Variants in DLG2 observed in about 807,000 individuals in gnomAD.
DLG2 encodes the protein discs large MAGUK scaffold protein 2.
Under a neutral mutation model 132.5 loss-of-function variants are expected in DLG2, and 45 were observed. The observed-to-expected ratio is 0.34, with a 90% CI of 0.27 to 0.44. DLG2 has a LOEUF of 0.44. Ranked by LOEUF, DLG2 falls within the 20% of genes least tolerant of loss-of-function variation. DLG2 has a pLI of 1.00. For missense variants in DLG2, 1,045 were observed against 1,196.9 expected (o/e 0.87, Z 1.87); for synonymous variants, 424 against 419.6 (o/e 1.01, Z -0.13).
At chr11:84,977,021 T>G (rs939412152) in intron 6 of DLG2, among the ~76,000 whole-genome samples, 2 of 152,280 alleles carry the variant, frequency 1.3e-5, no homozygotes, top group South Asian at 4.1e-4. Context: ...TAGAATATGC[T>G]ATTGCTTGCT....
intron 3 of DLG2, among the ~76,000 whole-genome samples, chr11:85,386,409 C>T (rs145389140): frequency 6.6e-6 from 1 of 152,292 alleles, no homozygotes; most frequent in East Asian, 1.9e-4. Context: ...CGACACCCTA[C>T]CTCCAGAGAC....
intron 3 of DLG2, among the ~76,000 whole-genome samples, chr11:85,583,048 GAA>G (rs869261514): frequency 5.5e-5 from 5 of 91,520 alleles, no homozygotes; most frequent in South Asian, 3.5e-4. Flanking sequence ...GAAACCAGGG[GAA>G]AAAAAAAATA....
chr11:83,896,024 G>GC (rs1260225450), intron 15 of DLG2, among the ~76,000 whole-genome samples: 1 of 145,146 alleles, frequency 6.9e-6, no homozygotes, highest in Non-Finnish European at 1.5e-5. Flanking sequence ...TGCATTTAAT[G>GC]AAGTCAAATG....
chr11:83,885,425 C>G (rs2067549090), intron 15 of DLG2, among the ~76,000 whole-genome samples: 1 of 152,144 alleles, frequency 6.6e-6, no homozygotes, highest in Non-Finnish European at 1.5e-5. Context: ...ACGAACAAAG[C>G]CTCCAAGAAA....
intron 16 of DLG2, among the ~76,000 whole-genome samples, chr11:83,872,689 C>T (rs61900046): frequency 0.092 from 13,965 of 152,066 alleles, 813 homozygotes; most frequent in Middle Eastern, 0.19. Flanking sequence ...TAAGCTTTTG[C>T]TAATAAAAAG....
chr11:83,892,485 G>A (rs1485381520), intron 15 of DLG2, among the ~76,000 whole-genome samples: 1 of 152,062 alleles, frequency 6.6e-6, no homozygotes, highest in Non-Finnish European at 1.5e-5. Context: ...ACACTAAAAT[G>A]TTTTGTCTTT....
intron 2 of DLG2, among the ~76,000 whole-genome samples, chr11:85,603,785 T>G (rs2080329351): frequency 6.6e-6 from 1 of 152,004 alleles, no homozygotes; most frequent in Admixed American, 6.6e-5. Flanking sequence ...GGTGTGGTGG[T>G]GCACGTCTGC....
chr11:85,434,572 A>G (rs1406988021), intron 3 of DLG2, among the ~76,000 whole-genome samples: 1 of 152,224 alleles, frequency 6.6e-6, no homozygotes, highest in African/African-American at 2.4e-5. Context: ...TAGGAAGTCT[A>G]CAAGTAATGG....
At chr11:85,321,213 A>C (rs2081044743) in intron 3 of DLG2, among the ~76,000 whole-genome samples, 1 of 151,888 alleles carries the variant, frequency 6.6e-6, no homozygotes, top group African/African-American at 2.4e-5. Context: ...GAGAGAGAAA[A>C]AGTAGTTTTT....
At chr11:83,795,751 T>C (rs1481370005) in intron 17 of DLG2, among the ~76,000 whole-genome samples, 2 of 152,186 alleles carry the variant, frequency 1.3e-5, no homozygotes, top group Non-Finnish European at 2.9e-5. Context: ...ATTTGTCTAT[T>C]TCTTAGTGCT....
At chr11:85,244,637 T>C (rs1041613620) in intron 4 of DLG2, among the ~76,000 whole-genome samples, 1 of 151,914 alleles carries the variant, frequency 6.6e-6, no homozygotes, top group African/African-American at 2.4e-5. Context: ...TATCTATTAA[T>C]TACACTAAAA....
chr11:85,526,765 C>T (rs1289932645), intron 3 of DLG2, among the ~76,000 whole-genome samples: 4 of 152,132 alleles, frequency 2.6e-5, no homozygotes, highest in African/African-American at 7.2e-5. Flanking sequence ...GATCACCTTC[C>T]TTCTCTAATG....
At chr11:85,080,374 T>C (rs2067083983) in intron 6 of DLG2, among the ~76,000 whole-genome samples, 1 of 152,138 alleles carries the variant, frequency 6.6e-6, no homozygotes, top group Non-Finnish European at 1.5e-5. Context: ...GGACATAAGC[T>C]TTGTCTAGTT....
At chr11:83,724,394 G>A (rs2089477666) in intron 18 of DLG2, among the ~76,000 whole-genome samples, 1 of 151,126 alleles carries the variant, frequency 6.6e-6, no homozygotes, top group Non-Finnish European at 1.5e-5. Flanking sequence ...GTGGATCCAG[G>A]TATTGCTGGA....
intron 3 of DLG2, among the ~76,000 whole-genome samples, chr11:85,396,158 C>T (rs552472394): frequency 1.5e-4 from 23 of 152,274 alleles, no homozygotes; most frequent in African/African-American, 4.8e-4. Context: ...CAGCAAACTC[C>T]AACAGACCTG....
intron 24 of DLG2, 91 bp from the exon 25 acceptor site, chr11:83,469,464 A>G: frequency 3.4e-6 from 3 of 878,788 alleles, no homozygotes; most frequent in Admixed American, 2.7e-5. Context: ...CTCAACATTG[A>G]TATGTAGAAA....
chr11:84,852,302 C>A (rs1228221179), intron 6 of DLG2, among the ~76,000 whole-genome samples: 1 of 151,966 alleles, frequency 6.6e-6, no homozygotes, highest in South Asian at 2.1e-4. Context: ...AAGGAAAGTG[C>A]ACCAGATGAT....
chr11:84,456,844 T>C (rs548307419), intron 7 of DLG2, among the ~76,000 whole-genome samples: 2 of 151,428 alleles, frequency 1.3e-5, no homozygotes, highest in East Asian at 1.9e-4. Flanking sequence ...GGATGCTTGA[T>C]GTATTGTAGA....
At chr11:85,602,969 T>C (rs767293012) in intron 2 of DLG2, among the ~76,000 whole-genome samples, 3 of 152,122 alleles carry the variant, frequency 2.0e-5, no homozygotes, top group African/African-American at 7.2e-5. Flanking sequence ...TTCAAGCTTA[T>C]CCCCTTGAAG....
Sources: gnomAD v4.1 joint callset for allele counts (sites outside exome capture counted in the v4.1 genomes callset) on GRCh38, gnomAD v4.1.1 for gene constraint, MANE v1.5 for transcripts, NCBI Gene and HGNC (gene_info 2026-07-23, HGNC 2026-07-21) for gene names.